GLIS3: variants seen among roughly 807,000 people sequenced by gnomAD.
GLIS3 encodes zinc finger protein GLIS3.
In GLIS3, 53 loss-of-function variants were observed where a neutral mutation model predicts 78.6. That is an observed-to-expected ratio of 0.67 (90% CI 0.54 to 0.85). The LOEUF (loss-of-function observed/expected upper bound fraction) is 0.85. GLIS3 is among the 40% of genes least tolerant of loss of function. The probability of loss-of-function intolerance (pLI) is 0.00; values close to 1 mark genes in which losing one functional copy is unlikely to be tolerated. For missense variants in GLIS3, 1,703 were observed against 1,231.1 expected, an observed-to-expected ratio of 1.38 and a Z score of -5.74; for synonymous variants, 684 against 509.9, an observed-to-expected ratio of 1.34 and a Z score of -4.60.
intron 9 of GLIS3, among the ~76,000 whole-genome samples, chr9:3,840,323 T>A (rs948502458): frequency 6.6e-6 from 1 of 152,216 alleles, no homozygotes; most frequent in African/African-American, 2.4e-5. Context: ...AATTTGGTTA[T>A]CATTTTTGCC....
At chr9:4,141,274 C>G (rs1296987313) in intron 2 of GLIS3, among the ~76,000 whole-genome samples, 5 of 152,168 alleles carry the variant, frequency 3.3e-5, no homozygotes, top group African/African-American at 1.2e-4. Flanking sequence ...TTGATGGTCC[C>G]TGAGTAGCAA....
At chr9:4,271,085 T>C (rs913270514) in intron 2 of GLIS3, among the ~76,000 whole-genome samples, 1 of 152,112 alleles carries the variant, frequency 6.6e-6, no homozygotes, top group Non-Finnish European at 1.5e-5. Flanking sequence ...ACAATGAGAA[T>C]GAAGAATTTT....
At chr9:4,308,639 C>G (rs1048740298) in intron 4 of GLIS3, 2 of 152,830 alleles carry the variant, frequency 1.3e-5, no homozygotes, top group Admixed American at 6.5e-5. Flanking sequence ...CCAGGCCCCA[C>G]CCCCCAGAGA....
intron 6 of GLIS3, among the ~76,000 whole-genome samples, chr9:3,911,862 G>A (rs1824176663): frequency 1.3e-5 from 2 of 152,104 alleles, no homozygotes; most frequent in Admixed American, 6.6e-5. Context: ...ATTCAGTGTA[G>A]AAGCACTGTT....
chr9:3,998,534 AC>A (rs1232028026), intron 4 of GLIS3, among the ~76,000 whole-genome samples: 3 of 151,662 alleles, frequency 2.0e-5, no homozygotes, highest in Admixed American at 6.6e-5. Flanking sequence ...CTAACAATAA[AC>A]CTAGTAAGTA....
the GLIS3 span, among the ~76,000 whole-genome samples, chr9:4,377,155 G>A: frequency 1.5e-5 from 2 of 135,014 alleles, no homozygotes; most frequent in Non-Finnish European, 1.7e-5. Context: ...TGTCTGTGAG[G>A]GTGTTGCCAG....
chr9:3,843,025 T>G (rs1818817492), intron 9 of GLIS3, among the ~76,000 whole-genome samples: 1 of 152,148 alleles, frequency 6.6e-6, no homozygotes, highest in African/African-American at 2.4e-5. Context: ...CTTGCCTGGC[T>G]CTCTCTCCCA....
intron 4 of GLIS3, among the ~76,000 whole-genome samples, chr9:4,110,566 A>G (rs757293211): frequency 5.9e-5 from 9 of 152,176 alleles, no homozygotes; most frequent in Non-Finnish European, 1.2e-4. Flanking sequence ...ACCCCTATCT[A>G]TGCCAACCTC....
At chr9:4,194,920 C>T (rs1818669635) in intron 2 of GLIS3, among the ~76,000 whole-genome samples, 2 of 152,242 alleles carry the variant, frequency 1.3e-5, no homozygotes, top group South Asian at 4.1e-4. Context: ...CATTTTTAAT[C>T]CAACTGCGTA....
intron 2 of GLIS3, among the ~76,000 whole-genome samples, chr9:4,265,899 T>G (rs1825954411): frequency 1.0e-5 from 1 of 95,358 alleles, no homozygotes; most frequent in South Asian, 4.7e-4. Context: ...TCACCCTGGT[T>G]TTTTTTTTGT....
At chr9:3,834,508 A>T (rs1468680738) in intron 9 of GLIS3, among the ~76,000 whole-genome samples, 1 of 152,148 alleles carries the variant, frequency 6.6e-6, no homozygotes, top group Non-Finnish European at 1.5e-5. Flanking sequence ...TTAAATAGCC[A>T]CTCATGGCTA....
intron 4 of GLIS3, among the ~76,000 whole-genome samples, chr9:3,993,286 C>A (rs618292): frequency 0.075 from 11,464 of 152,136 alleles, 1,324 homozygotes; most frequent in African/African-American, 0.25. Context: ...GTTCCGAGGG[C>A]AGTCAGAGAG....
the GLIS3 span, among the ~76,000 whole-genome samples, chr9:4,457,827 C>T: frequency 2.3e-4 from 33 of 142,338 alleles, no homozygotes; most frequent in Admixed American, 1.1e-3. Flanking sequence ...TCCAGCCTGG[C>T]GACAGAACGA....
chr9:4,203,948 G>C (rs946012741), intron 2 of GLIS3, among the ~76,000 whole-genome samples: 4 of 152,176 alleles, frequency 2.6e-5, no homozygotes, highest in Admixed American at 6.5e-5. Context: ...AGAAACTGAA[G>C]ACTACTACAG....
rs112591733 is a variant in GLIS3, at chr9:3,936,937, T to A, written c.1872+91A>T. The A allele has an allele frequency of 1.2e-5, 18 of 1,561,880 alleles. 1 individual carries two copies. The African/African-American group carries it at 1.2e-4, about 11-fold the overall frequency. ...CATTGTCCCTGTAACCTGCAGACCA[T>A]AAAGCAAACACTTCACCAGCCCACT... On this transcript the variant is annotated intron_variant, in intron 5 of 10. Transcript: ENST00000381971.
chr9:4,096,563 A>C (rs987196657), intron 4 of GLIS3, among the ~76,000 whole-genome samples: 3 of 152,230 alleles, frequency 2.0e-5, no homozygotes, highest in African/African-American at 7.2e-5. Context: ...GGACTAAATT[A>C]AAATTACATT....
At chr9:4,397,232 A>G in the GLIS3 span, among the ~76,000 whole-genome samples, 1 of 144,458 alleles carries the variant, frequency 6.9e-6, no homozygotes, top group Non-Finnish European at 1.5e-5. Context: ...TCACCGTTTT[A>G]GCCGGGATGG....
At chr9:4,103,740 G>A (rs1830550910) in intron 4 of GLIS3, among the ~76,000 whole-genome samples, 2 of 152,126 alleles carry the variant, frequency 1.3e-5, no homozygotes, top group African/African-American at 4.8e-5. Context: ...AAGACCATGA[G>A]GGTGGAAATC....
chr9:4,464,753 C>T, the GLIS3 span, among the ~76,000 whole-genome samples: 1 of 152,102 alleles, frequency 6.6e-6, no homozygotes, highest in Non-Finnish European at 1.5e-5. Context: ...CAAAGAAAAT[C>T]TTAGGCAAAT....
Sources: allele counts gnomAD v4.1 joint callset (sites outside exome capture counted in the v4.1 genomes callset), GRCh38; gene constraint gnomAD v4.1.1; transcripts MANE v1.5; gene names NCBI Gene and HGNC (gene_info 2026-07-23, HGNC 2026-07-21).